Variants in SLC26A7 observed in about 807,000 individuals in gnomAD.
The protein encoded by SLC26A7 is anion exchange transporter.
In SLC26A7, 59 loss-of-function variants were observed where a neutral mutation model predicts 82.5. That is an observed-to-expected ratio of 0.72 (90% CI 0.58 to 0.89). The LOEUF is 0.89. SLC26A7 is among the 40% of genes least tolerant of loss of function. SLC26A7 has a pLI of 0.00. For missense variants in SLC26A7, 820 were observed against 793.0 expected (o/e 1.03, Z -0.41); for synonymous variants, 271 against 274.3 (o/e 0.99, Z 0.12).
intron 2 of SLC26A7, among the ~76,000 whole-genome samples, chr8:91,287,278 C>A (rs1483159006): frequency 6.6e-6 from 1 of 152,126 alleles, no homozygotes; most frequent in East Asian, 1.9e-4. Flanking sequence ...CTGGGAAAAT[C>A]CAGTTTTTAA....
rs776766536 is a variant in SLC26A7, at chr8:91,338,209, A to C, written c.855A>C (p.Glu285Asp). 1.2e-6 allele frequency: 2 copies of C among 1,609,290 alleles called. No homozygotes were observed. The highest frequency in any genetic ancestry group is 1.7e-6 in the Non-Finnish European group (2 of 1,178,108). ...ATATGGAAAACACATATGGATTAGA[A>C]GTAGTTGGTCATATTCCACAAGGGT... The part of the protein sequence containing the change: ...CTNMENTYGL[E>D]VVGHIPQGIP... Residue 285 changes from glutamate (E) to aspartate (D), a missense_variant, in exon 7 of 19, where the codon GAA (glutamate) becomes GAC (aspartate). Glu to Asp is a conservative substitution (Grantham distance 45, BLOSUM62 2). Transcript: ENST00000276609.
intron 2 of SLC26A7, among the ~76,000 whole-genome samples, chr8:91,221,891 T>C (rs1365567408): frequency 6.6e-6 from 1 of 152,148 alleles, no homozygotes; most frequent in Non-Finnish European, 1.5e-5. Flanking sequence ...AAAATAGTTT[T>C]TTTTTATTTC....
At chr8:91,232,317 T>C (rs1302625816) in intron 2 of SLC26A7, among the ~76,000 whole-genome samples, 1 of 152,214 alleles carries the variant, frequency 6.6e-6, no homozygotes, top group Non-Finnish European at 1.5e-5. Flanking sequence ...TAATACACTA[T>C]GTTTTTAGAG....
At chr8:91,232,794 C>T (rs1810326698) in intron 2 of SLC26A7, among the ~76,000 whole-genome samples, 1 of 152,182 alleles carries the variant, frequency 6.6e-6, no homozygotes, top group South Asian at 2.1e-4. Flanking sequence ...TTGTAATACA[C>T]CTCTATGAAG....
intron 2 of SLC26A7, among the ~76,000 whole-genome samples, chr8:91,288,436 A>G (rs1367005452): frequency 6.6e-6 from 1 of 152,222 alleles, no homozygotes; most frequent in African/African-American, 2.4e-5. Context: ...TTCCATGTGC[A>G]TGTATCATAC....
chr8:91,298,286 C>T (rs1812069562), intron 4 of SLC26A7, among the ~76,000 whole-genome samples: 1 of 152,184 alleles, frequency 6.6e-6, no homozygotes, highest in South Asian at 2.1e-4. Context: ...TCTTTCTCCA[C>T]TTCTTTACTT....
At position 91,376,860 on chromosome 8, in the gene SLC26A7, A is replaced by T. The variant is rs80157610; in HGVS notation, c.1675+7027A>T. Among the ~76,000 whole-genome samples the T allele has an allele frequency of 9.9e-3, 1,507 of 152,168 alleles. 14 individuals carry two copies. Among genetic ancestry groups the T allele is most frequent in the Non-Finnish European group, 0.015 (1,043 of 68,002 alleles). On this transcript the variant is annotated intron_variant, in intron 15 of 18. Coordinates refer to ENST00000276609, the MANE Select transcript of SLC26A7 (RefSeq NM_052832.4). The stretch of plus-strand genomic sequence containing the variant: ...CAGATTCTCAAGCTGAGCTGGCAGG[A>T]ATGCAGTTTACCTCCCTATCGCACC...
intron 5 of SLC26A7, among the ~76,000 whole-genome samples, chr8:91,324,435 G>C (rs138347321): frequency 6.6e-6 from 1 of 152,178 alleles, no homozygotes. Flanking sequence ...CATGACTCAT[G>C]TTTAAAGGTT....
At chr8:91,363,742 T>C (rs776353576) in intron 13 of SLC26A7, among the ~76,000 whole-genome samples, 2 of 152,060 alleles carry the variant, frequency 1.3e-5, no homozygotes, top group Non-Finnish European at 2.9e-5. Context: ...GAAAATCTCT[T>C]TGGATTCAGC....
chr8:91,393,913 A>G (rs760514561), intron 17 of SLC26A7, 23 bp from the exon 18 acceptor site: 1 of 1,612,852 alleles, frequency 6.2e-7, no homozygotes, highest in Non-Finnish European at 8.5e-7. Context: ...ATGTATTCTT[A>G]TATCACTTGT....
In SLC26A7 at chr8:91,318,225, T is replaced by C; in HGVS notation, c.487T>C (p.Phe163Leu). 6.3e-7 allele frequency: 1 copy of C among 1,597,596 alleles called. No individual in the cohort carries two copies. Among genetic ancestry groups the C allele is most frequent in the Non-Finnish European group, 8.5e-7 (1 of 1,171,126 alleles). ...FLGGVIQVAM[F>L]VLQLGSATFV... Reference sequence around the variant, plus strand: ...TCCCTTCTCCTCTTAGGTGGCCATGTTTGTGCTGCAACTGGGCAGTGCCAC... The same window carrying C: ...TCCCTTCTCCTCTTAGGTGGCCATGCTTGTGCTGCAACTGGGCAGTGCCAC... Residue 163 changes from phenylalanine (F) to leucine (L), a missense_variant, in exon 5 of 19, where the codon TTT becomes CTT. Transcript: ENST00000276609.
At position 91,327,882 on chromosome 8, in the gene SLC26A7, G is replaced by A. The variant is rs1278165765; in HGVS notation, c.643-6413G>A. ...AGAAATATTTATTCAAATAATCTTTGTGGTCCCTTTATGGATAATTCAAAG... is the reference window on the plus strand; with the variant it reads ...AGAAATATTTATTCAAATAATCTTTATGGTCCCTTTATGGATAATTCAAAG... On this transcript the variant is annotated intron_variant, in intron 5 of 18. Transcript: ENST00000276609. Among the ~76,000 whole-genome samples, 4 of 152,126 alleles carry A rather than the reference G, an allele frequency of 2.6e-5. No individual in the cohort carries two copies. In the East Asian group the frequency reaches 7.7e-4, roughly 29 times the overall value.
chr8:91,237,043 T>C lies in SLC26A7; in HGVS notation c.-33-12576T>C, dbSNP rs554384448. ...GACAGAACTGGAATTCAAACCCAAT[T>C]TGACTGTTACTACTACCCGCTATCA... On this transcript the variant is annotated intron_variant, in intron 2 of 5. Transcript: ENST00000522862. Among the ~76,000 whole-genome samples the C allele has an allele frequency of 5.9e-5, 9 of 152,322 alleles. 2 individuals are homozygous for C. Among genetic ancestry groups the C allele is most frequent in the African/African-American group, 2.2e-4 (9 of 41,570 alleles).
At chr8:91,271,870 A>C (rs1811281725) in intron 2 of SLC26A7, among the ~76,000 whole-genome samples, 1 of 152,216 alleles carries the variant, frequency 6.6e-6, no homozygotes, top group Non-Finnish European at 1.5e-5. Flanking sequence ...TTGGGATTAC[A>C]GGCGTGAGCC....
At chr8:91,359,896 G>GCA (rs57851940) in intron 11 of SLC26A7, among the ~76,000 whole-genome samples, 5 of 80,336 alleles carry the variant, frequency 6.2e-5, no homozygotes, top group African/African-American at 1.5e-4. Flanking sequence ...GTGTGTGTGT[G>GCA]CGCATGTGTG....
intron 1 of SLC26A7, among the ~76,000 whole-genome samples, chr8:91,213,037 T>C: frequency 6.6e-6 from 1 of 152,166 alleles, no homozygotes; most frequent in East Asian, 1.9e-4. Context: ...TAATTTTTTT[T>C]CTTCTAAATA....
intron 14 of SLC26A7, among the ~76,000 whole-genome samples, chr8:91,368,412 G>C (rs1288369751): frequency 1.8e-5 from 2 of 111,790 alleles, no homozygotes; most frequent in Non-Finnish European, 3.7e-5. Flanking sequence ...TTTCAGATGA[G>C]GTTTTTTTTT....
intron 3 of SLC26A7, among the ~76,000 whole-genome samples, chr8:91,293,426 T>C (rs1811929628): frequency 2.6e-5 from 4 of 152,212 alleles, no homozygotes; most frequent in Admixed American, 2.0e-4. Context: ...CAGCCACACA[T>C]ATTCACTGGC....
intron 2 of SLC26A7, among the ~76,000 whole-genome samples, chr8:91,234,809 C>G (rs577616554): frequency 2.1e-4 from 28 of 135,658 alleles, no homozygotes; most frequent in African/African-American, 8.4e-4. Flanking sequence ...ACCTACCTAC[C>G]TACCTACCTA....
Sources: allele counts gnomAD v4.1 joint callset (sites outside exome capture counted in the v4.1 genomes callset), GRCh38; gene constraint gnomAD v4.1.1; transcripts MANE v1.5; gene names NCBI Gene and HGNC (gene_info 2026-07-23, HGNC 2026-07-21).